LRRC4C: variants seen among roughly 807,000 people sequenced by gnomAD.
LRRC4C encodes leucine rich repeat containing 4C.
LRRC4C carries 5 observed loss-of-function variants against 33.6 expected under a neutral mutation model. The observed-to-expected ratio is 0.15, with a 90% CI of 0.08 to 0.31. The LOEUF (loss-of-function observed/expected upper bound fraction) is 0.31. Ranked by LOEUF, LRRC4C falls within the 10% of genes least tolerant of loss-of-function variation. The pLI is 1.00. For missense variants in LRRC4C, 560 were observed against 796.7 expected, an observed-to-expected ratio of 0.70 and a Z score of 3.58; for synonymous variants, 329 against 302.0, an observed-to-expected ratio of 1.09 and a Z score of -0.93.
intron 3 of LRRC4C, among the ~76,000 whole-genome samples, chr11:40,402,397 A>G (rs927344671): frequency 6.6e-6 from 1 of 152,122 alleles, no homozygotes; most frequent in South Asian, 2.1e-4. Flanking sequence ...TTGGCTGGGC[A>G]GATATATTTT....
At chr11:40,297,374 A>G (rs1279666481) in intron 4 of LRRC4C, among the ~76,000 whole-genome samples, 1 of 152,226 alleles carries the variant, frequency 6.6e-6, no homozygotes, top group Admixed American at 6.5e-5. Context: ...ACGTAATGAC[A>G]TGTGAATTAA....
At chr11:40,684,220 C>T (rs1316833054) in intron 2 of LRRC4C, among the ~76,000 whole-genome samples, 2 of 151,094 alleles carry the variant, frequency 1.3e-5, no homozygotes, top group Non-Finnish European at 3.0e-5. Context: ...ATAGACATAA[C>T]ATAATTTAAT....
intron 1 of LRRC4C, among the ~76,000 whole-genome samples, chr11:41,302,310 C>A (rs963395696): frequency 6.6e-6 from 1 of 152,116 alleles, no homozygotes; most frequent in Admixed American, 6.5e-5. Context: ...GGGATACATG[C>A]ATTACTCAGA....
At chr11:40,177,705 G>A (rs2135488728) in intron 5 of LRRC4C, among the ~76,000 whole-genome samples, 1 of 152,218 alleles carries the variant, frequency 6.6e-6, no homozygotes, top group East Asian at 1.9e-4. Flanking sequence ...CTCTTATGCA[G>A]TTCCATTTTT....
chr11:40,840,089 T>C lies in LRRC4C; in HGVS notation c.-407+93546A>G, dbSNP rs370290229. ...TCCAGAGTGCCAAAAATCTAAGAGA[T>C]ATGTACTTGTGTAACTTCTATCGAC... On this transcript the variant is annotated intron_variant, in intron 2 of 6. Coordinates refer to ENST00000528697, the MANE Select transcript of LRRC4C (RefSeq NM_001258419.2). Among the ~76,000 whole-genome samples, 28 of 152,268 alleles carry C rather than the reference T, an allele frequency of 1.8e-4. No individual in the cohort carries two copies. In the South Asian group the frequency reaches 5.2e-3, roughly 28 times the overall value.
At chr11:40,750,658 TG>T (rs377541982) in intron 2 of LRRC4C, among the ~76,000 whole-genome samples, 1 of 64,346 alleles carries the variant, frequency 1.6e-5, no homozygotes, top group South Asian at 6.9e-4. Context: ...TGTTGTGGGG[TG>T]GGGGGAGGGG....
At chr11:41,036,901 T>G (rs940642408) in intron 1 of LRRC4C, among the ~76,000 whole-genome samples, 4 of 152,210 alleles carry the variant, frequency 2.6e-5, no homozygotes, top group African/African-American at 9.7e-5. Flanking sequence ...AGAATTCAAT[T>G]GCACATTTAT....
intron 5 of LRRC4C, among the ~76,000 whole-genome samples, chr11:40,154,287 C>CAAAAAAA (rs60017606): frequency 2.7e-4 from 31 of 113,960 alleles, no homozygotes; most frequent in South Asian, 2.9e-4. Context: ...AGCTAAAAAG[C>CAAAAAAA]AAAAAAAAAA....
At chr11:40,586,421 G>C (rs1278697272) in intron 3 of LRRC4C, among the ~76,000 whole-genome samples, 3 of 147,506 alleles carry the variant, frequency 2.0e-5, no homozygotes, top group Non-Finnish European at 4.5e-5. Flanking sequence ...CCATTTTGTA[G>C]GTTGCCTGTT....
At chr11:40,532,871 T>C (rs995093513) in intron 3 of LRRC4C, among the ~76,000 whole-genome samples, 4 of 152,112 alleles carry the variant, frequency 2.6e-5, no homozygotes, top group African/African-American at 9.7e-5. Context: ...TGGAGAGGCC[T>C]CAAGAAACTT....
At chr11:41,032,962 C>T (rs541966914) in intron 1 of LRRC4C, among the ~76,000 whole-genome samples, 6 of 152,052 alleles carry the variant, frequency 3.9e-5, no homozygotes, top group Non-Finnish European at 5.9e-5. Context: ...AAACTCATTC[C>T]TTGTTCTTGC....
intron 3 of LRRC4C, among the ~76,000 whole-genome samples, chr11:40,549,609 A>G (rs16934935): frequency 0.18 from 27,747 of 152,066 alleles, 3,168 homozygotes; most frequent in African/African-American, 0.32. Context: ...GAAATAAGAA[A>G]GCTGTATGCT....
At chr11:41,108,993 A>T (rs1941672301) in intron 1 of LRRC4C, among the ~76,000 whole-genome samples, 1 of 152,086 alleles carries the variant, frequency 6.6e-6, no homozygotes, top group Non-Finnish European at 1.5e-5. Context: ...CTGGGTCTCA[A>T]AGTCCTTTTT....
intron 2 of LRRC4C, among the ~76,000 whole-genome samples, chr11:40,693,839 A>C (rs1461566578): frequency 6.6e-6 from 1 of 152,114 alleles, no homozygotes; most frequent in African/African-American, 2.4e-5. Flanking sequence ...GACATAGTCT[A>C]TTCTCCACCA....
chr11:40,806,079 C>T (rs192960184), intron 2 of LRRC4C, among the ~76,000 whole-genome samples: 256 of 152,262 alleles, frequency 1.7e-3, no homozygotes, highest in African/African-American at 5.8e-3. Flanking sequence ...AATGCATACA[C>T]TGAAACCTTC....
intron 1 of LRRC4C, among the ~76,000 whole-genome samples, chr11:40,988,051 G>T (rs1853200705): frequency 6.6e-6 from 1 of 152,132 alleles, no homozygotes; most frequent in South Asian, 2.1e-4. Flanking sequence ...CTTTTGATAT[G>T]TTGCAGGACA....
intron 1 of LRRC4C, among the ~76,000 whole-genome samples, chr11:41,072,064 G>T (rs752058915): frequency 2.6e-5 from 4 of 152,038 alleles, no homozygotes; most frequent in Admixed American, 6.6e-5. Flanking sequence ...AAAGAAACTG[G>T]TTTTTTTGAA....
intron 3 of LRRC4C, among the ~76,000 whole-genome samples, chr11:40,368,815 A>G (rs1948326354): frequency 6.6e-6 from 1 of 152,152 alleles, no homozygotes; most frequent in Admixed American, 6.5e-5. Flanking sequence ...AACAGACCAG[A>G]TTTCAAATGT....
chr11:40,494,459 G>T (rs1200042666), intron 3 of LRRC4C, among the ~76,000 whole-genome samples: 2 of 152,102 alleles, frequency 1.3e-5, no homozygotes, highest in Non-Finnish European at 2.9e-5. Context: ...TGAGGGAAAG[G>T]AATTAACGAA....
Sources: allele counts gnomAD v4.1 joint callset (sites outside exome capture counted in the v4.1 genomes callset), GRCh38; gene constraint gnomAD v4.1.1; transcripts MANE v1.5; gene names NCBI Gene and HGNC (gene_info 2026-07-23, HGNC 2026-07-21).